HSD17B2: variants seen among roughly 807,000 people sequenced by gnomAD.
HSD17B2 encodes the protein hydroxysteroid 17-beta dehydrogenase 2.
Under a neutral mutation model 26.9 loss-of-function variants are expected in HSD17B2, and 32 were observed. The observed-to-expected ratio is 1.19, with a 90% confidence interval of 0.90 to 1.60. The LOEUF (loss-of-function observed/expected upper bound fraction) is 1.60, where lower values mean the gene tolerates loss of function less well. Among genes scored for constraint, HSD17B2 ranks in the 40% most tolerant of loss-of-function variants. The probability of loss-of-function intolerance (pLI) is 0.00; values close to 1 mark genes in which losing one functional copy is unlikely to be tolerated. For missense variants in HSD17B2, 613 were observed against 468.6 expected (o/e 1.31, Z -2.85); for synonymous variants, 246 against 186.7 (o/e 1.32, Z -2.59).
chr16:82,058,382 A>G (rs944560341), intron 1 of HSD17B2, among the ~76,000 whole-genome samples: 2 of 152,176 alleles, frequency 1.3e-5, no homozygotes, highest in Admixed American at 1.3e-4. Context: ...TAAGATGTTA[A>G]TAATAGGGAA....
At position 82,035,471 on chromosome 16, in the gene HSD17B2, C is replaced by A. The variant is rs1428803440; in HGVS notation, c.47C>A (p.Pro16His). ...ACAGCATGGATCTGCCTGGCTGTCCCCACAGTACTATGTGGGACAGTATTT... is the reference window on the plus strand; with the variant it reads ...ACAGCATGGATCTGCCTGGCTGTCCACACAGTACTATGTGGGACAGTATTT... ...SDTAWICLAV[P>H]TVLCGTVFCK... is the part of the protein sequence containing the mutation. The change falls in exon 1 of 5, where the codon CCC (proline) becomes CAC (histidine). Residue 16 changes from proline (P) to histidine (H), a missense_variant. Pro to His is a moderately conservative substitution (Grantham distance 77). Coordinates refer to ENST00000199936, the MANE Select transcript of HSD17B2 (RefSeq NM_002153.3). The A allele has an allele frequency of 1.2e-6, 2 of 1,613,982 alleles. No homozygotes were observed. The highest frequency in any genetic ancestry group is 1.1e-5 in the South Asian group (1 of 91,058).
chr16:82,072,075 G>A (rs1467717512), intron 3 of HSD17B2: 3 of 152,108 alleles, frequency 2.0e-5, no homozygotes, highest in Admixed American at 1.3e-4. Context: ...GGGGTTCTTC[G>A]CATTTCCTAG....
Position 82,068,461 on chromosome 16 carries a change from C to A in HSD17B2, c.478+79C>A, listed in dbSNP as rs933234999. The A allele has an allele frequency of 1.3e-5, 15 of 1,163,162 alleles. No homozygotes were observed. The South Asian group carries it at 1.7e-4, about 13-fold the overall frequency. The allele number at this position is 1,163,162 out of a possible 1,614,324, so 72.1% of individuals were successfully genotyped here. ...TTGTTCCGGCTTAGGCTGAACATGC[C>A]CCCCCACTCCACTCTGGGCACTGTT... On this transcript the variant is annotated intron_variant, in intron 2 of 4. Coordinates refer to ENST00000199936, the MANE Select transcript of HSD17B2 (RefSeq NM_002153.3).
At chr16:82,091,329 C>T (rs1904688023) in intron 4 of HSD17B2, 1 of 416,182 alleles carries the variant, frequency 2.4e-6, no homozygotes, top group Admixed American at 3.6e-5. Context: ...GTACAAGGGT[C>T]CATCAGTGTC....
intron 1 of HSD17B2, among the ~76,000 whole-genome samples, chr16:82,047,734 T>C (rs373716112): frequency 6.6e-6 from 1 of 152,192 alleles, no homozygotes; most frequent in African/African-American, 2.4e-5. Flanking sequence ...CCACTGCACA[T>C]TGGACTCTCC....
intron 4 of HSD17B2, chr16:82,092,897 G>A (rs1196580940): frequency 2.0e-5 from 3 of 152,134 alleles, no homozygotes; most frequent in Non-Finnish European, 4.4e-5. Flanking sequence ...TGAGTGTTTG[G>A]TGACACAGCC....
intron 4 of HSD17B2, chr16:82,092,443 G>C (rs559394423): frequency 6.6e-6 from 1 of 152,322 alleles, no homozygotes; most frequent in Admixed American, 6.5e-5. Flanking sequence ...ACCACAGACT[G>C]GGAGGTATTG....
intron 3 of HSD17B2, among the ~76,000 whole-genome samples, chr16:82,078,437 G>A (rs1904314929): frequency 6.6e-6 from 1 of 152,122 alleles, no homozygotes; most frequent in Admixed American, 6.5e-5. Context: ...CTGTTCATGG[G>A]GATGTAAATT....
At chr16:82,073,310 C>T (rs8191186) in intron 3 of HSD17B2, among the ~76,000 whole-genome samples, 12,670 of 151,724 alleles carry the variant, frequency 0.084, 1,765 homozygotes, top group African/African-American at 0.29. Context: ...CTGCAAGCTC[C>T]GCCTCCCGGG....
intron 1 of HSD17B2, among the ~76,000 whole-genome samples, chr16:82,042,928 T>G (rs1249704397): frequency 2.0e-5 from 3 of 152,222 alleles, no homozygotes; most frequent in African/African-American, 7.2e-5. Context: ...GTCTCTTTCT[T>G]ATATTTTAAA....
At chr16:82,047,693 T>C (rs1014582125) in intron 1 of HSD17B2, among the ~76,000 whole-genome samples, 3 of 152,188 alleles carry the variant, frequency 2.0e-5, no homozygotes, top group African/African-American at 7.2e-5. Flanking sequence ...TGCTGTCTTA[T>C]TGGACCTAGG....
intron 1 of HSD17B2, among the ~76,000 whole-genome samples, chr16:82,059,557 G>A (rs763914146): frequency 3.0e-4 from 45 of 152,192 alleles, no homozygotes; most frequent in Non-Finnish European, 5.0e-4. Context: ...ATTGAGGAGT[G>A]AGAACCTCTT....
chr16:82,085,576 T>C (rs74779803), intron 3 of HSD17B2, among the ~76,000 whole-genome samples: 1 of 145,008 alleles, frequency 6.9e-6, no homozygotes, highest in East Asian at 2.0e-4. Context: ...AGGAGGGGCA[T>C]AAAAAAAAAA....
intron 1 of HSD17B2, among the ~76,000 whole-genome samples, chr16:82,043,381 G>C (rs562791903): frequency 1.3e-5 from 2 of 151,994 alleles, no homozygotes; most frequent in Non-Finnish European, 2.9e-5. Flanking sequence ...GCCACTTTAG[G>C]GTTTATAAAA....
At chr16:82,036,337 T>TGG (rs1913624877) in intron 1 of HSD17B2, among the ~76,000 whole-genome samples, 2 of 151,028 alleles carry the variant, frequency 1.3e-5, no homozygotes, top group African/African-American at 4.9e-5. Flanking sequence ...TGTGTGTGTG[T>TGG]GTGTGTGTGT....
At chr16:82,046,433 ATAT>A (rs1913930777) in intron 1 of HSD17B2, among the ~76,000 whole-genome samples, 1 of 152,196 alleles carries the variant, frequency 6.6e-6, no homozygotes. Context: ...ATTTAAAAAA[ATAT>A]TATGGGCCAG....
intron 4 of HSD17B2, 73 bp downstream of exon 4, chr16:82,091,112 A>G (rs777562286): frequency 7.1e-7 from 1 of 1,418,062 alleles, no homozygotes; most frequent in South Asian, 1.1e-5. Flanking sequence ...GGTCTGACAG[A>G]GCACACATTG....
At chr16:82,053,577 G>A (rs1318904440) in intron 1 of HSD17B2, among the ~76,000 whole-genome samples, 1 of 152,158 alleles carries the variant, frequency 6.6e-6, no homozygotes, top group Non-Finnish European at 1.5e-5. Context: ...CCACTAGACT[G>A]TAAGACCTTG....
chr16:82,068,707 C>G (rs1427389756), intron 2 of HSD17B2, among the ~76,000 whole-genome samples: 1 of 152,014 alleles, frequency 6.6e-6, no homozygotes, highest in African/African-American at 2.4e-5. Flanking sequence ...GAGTCTCCAG[C>G]TTCGAAAAAA....
Sources: allele counts gnomAD v4.1 joint callset (sites outside exome capture counted in the v4.1 genomes callset), GRCh38; gene constraint gnomAD v4.1.1; transcripts MANE v1.5; gene names NCBI Gene and HGNC (gene_info 2026-07-23, HGNC 2026-07-21).